The following LAMA2 variants were observed in gnomAD, a reference collection of about 807,000 sequenced individuals.
LAMA2 encodes the protein laminin subunit alpha 2.
In LAMA2, 269 loss-of-function variants were observed where a neutral mutation model predicts 364.8. The ratio of observed to expected loss-of-function variants is 0.74; its 90% CI spans 0.67 to 0.82. The LOEUF (loss-of-function observed/expected upper bound fraction) is 0.82, where lower values mean the gene tolerates loss of function less well. Ranked by LOEUF, LAMA2 falls within the 40% of genes least tolerant of loss-of-function variation. The pLI is 0.00. For synonymous variants in LAMA2, 1,379 were observed against 1,370.6 expected (o/e 1.01, Z -0.14); for missense variants, 3,807 against 3,873.2 (o/e 0.98, Z 0.45).
intron 37 of LAMA2, among the ~76,000 whole-genome samples, chr6:129,394,666 C>T (rs565904442): frequency 2.0e-5 from 3 of 152,288 alleles, no homozygotes; most frequent in South Asian, 2.1e-4. Flanking sequence ...GTGACTTACC[C>T]GAAGGTGCAC....
chr6:129,357,031 A>G (rs1777188629), intron 32 of LAMA2, among the ~76,000 whole-genome samples: 1 of 152,078 alleles, frequency 6.6e-6, no homozygotes, highest in African/African-American at 2.4e-5. Flanking sequence ...GAGATATTTT[A>G]TTAATTTCCC....
In LAMA2 at chr6:129,504,782, A is replaced by G. The variant is rs539100459; in HGVS notation, c.8548-418A>G. ...AGGCAAAGGGATGTAGCGTATCTGA[A>G]ATTGTGTTGGGAGCCCAGGCTCTTT... is the stretch of plus-strand genomic sequence containing the variant. On this transcript the variant is annotated intron_variant, in intron 60 of 64. Coordinates refer to ENST00000421865, the MANE Select transcript of LAMA2 (RefSeq NM_000426.4). Among the ~76,000 whole-genome samples the G allele has an allele frequency of 1.4e-4, 21 of 152,344 alleles. No homozygotes were observed. In the South Asian group the frequency reaches 4.4e-3, roughly 32 times the overall value.
intron 18 of LAMA2, 81 bp from the exon 19 acceptor site, chr6:129,287,766 G>A: frequency 1.8e-6 from 2 of 1,117,676 alleles, no homozygotes; most frequent in South Asian, 1.2e-5. Flanking sequence ...CATCCTGGGA[G>A]AAGGGGAGAA....
In LAMA2 at chr6:129,055,188, A is replaced by AT. The variant is rs1308382902; in HGVS notation, c.284-4594dup. On this transcript the variant is annotated intron_variant, in intron 2 of 64. Coordinates refer to ENST00000421865, the MANE Select transcript of LAMA2 (RefSeq NM_000426.4). ...TACATTATTATTATTTATTATTATT[A>AT]TTATTATTATTATTATTATTTGAGA... 2.2e-4 allele frequency among the ~76,000 whole-genome samples: 13 copies of AT among 58,198 alleles called. No individual in the cohort carries two copies. In the South Asian group the frequency reaches 5.9e-3, roughly 26 times the overall value. The allele number at this position is 58,198 out of a possible 152,430, so 38.2% of individuals were successfully genotyped here.
intron 1 of LAMA2, among the ~76,000 whole-genome samples, chr6:128,990,488 C>T (rs929105954): frequency 3.3e-5 from 5 of 152,108 alleles, no homozygotes; most frequent in Non-Finnish European, 5.9e-5. Flanking sequence ...GCTTCAACTC[C>T]CTATTATAAT....
intron 48 of LAMA2, among the ~76,000 whole-genome samples, chr6:129,458,948 A>C (rs1034307181): frequency 1.3e-5 from 2 of 152,114 alleles, no homozygotes; most frequent in Non-Finnish European, 2.9e-5. Context: ...AATCTGAGTA[A>C]ATATGGGTTC....
intron 7 of LAMA2, among the ~76,000 whole-genome samples, chr6:129,152,929 C>T (rs893106553): frequency 3.9e-5 from 6 of 152,046 alleles, no homozygotes; most frequent in Non-Finnish European, 7.4e-5. Context: ...ACAAATGCCC[C>T]TTCCCTTTTG....
chr6:129,177,815 T>A lies in LAMA2; in HGVS notation c.1416T>A (p.Ser472Arg). The A allele has an allele frequency of 6.2e-7, 1 of 1,613,932 alleles. No individual in the cohort carries two copies. Among genetic ancestry groups the A allele is most frequent in the Non-Finnish European group, 8.5e-7 (1 of 1,179,920 alleles). The change falls in exon 10 of 65, where the codon AGT becomes AGA. Residue 472 changes from serine to arginine, a missense_variant. Physicochemically the swap from Ser to Arg is moderately radical, Grantham distance 110. Coordinates refer to ENST00000421865, the MANE Select transcript of LAMA2 (RefSeq NM_000426.4). Reference sequence around the variant, plus strand: ...CGGACTGCAAAGCCTGTAACTGCAGTGGGTTAGGGAGCAAAAATGAGGATC... The same window carrying A: ...CGGACTGCAAAGCCTGTAACTGCAGAGGGTTAGGGAGCAAAAATGAGGATC... ...GYPDCKACNC[S>R]GLGSKNEDPC...
chr6:129,223,888 A>G (rs915024872), intron 12 of LAMA2, among the ~76,000 whole-genome samples: 1 of 152,150 alleles, frequency 6.6e-6, no homozygotes, highest in Non-Finnish European at 1.5e-5. Flanking sequence ...GAAGAAAGTC[A>G]CTGGTAGCTT....
chr6:128,921,980 A>G (rs1778769461), intron 1 of LAMA2, among the ~76,000 whole-genome samples: 1 of 151,208 alleles, frequency 6.6e-6, no homozygotes, highest in Non-Finnish European at 1.5e-5. Flanking sequence ...TCCTTGTGAT[A>G]GTTTACTGAG....
intron 12 of LAMA2, among the ~76,000 whole-genome samples, chr6:129,226,566 T>G (rs1583293377): frequency 2.0e-5 from 3 of 148,774 alleles, no homozygotes; most frequent in African/African-American, 5.0e-5. Context: ...GTCTGTAAAG[T>G]ATTTTATTTC....
At chr6:129,307,766 T>G (rs543476133) in intron 22 of LAMA2, among the ~76,000 whole-genome samples, 3 of 152,366 alleles carry the variant, frequency 2.0e-5, no homozygotes, top group South Asian at 4.1e-4. Context: ...CAGTGCCTAA[T>G]GCAACACAAA....
chr6:129,304,543 G>A (rs1773751490), intron 22 of LAMA2, among the ~76,000 whole-genome samples: 1 of 152,204 alleles, frequency 6.6e-6, no homozygotes, highest in Admixed American at 6.5e-5. Context: ...GATTACAGGC[G>A]TGAGCCACCG....
At chr6:129,398,239 A>T (rs1409837282) in intron 37 of LAMA2, among the ~76,000 whole-genome samples, 1 of 152,164 alleles carries the variant, frequency 6.6e-6, no homozygotes, top group Non-Finnish European at 1.5e-5. Flanking sequence ...CTAAGGGCTA[A>T]AATTGGCAGT....
chr6:129,185,487 T>G (rs1781171435), intron 10 of LAMA2, among the ~76,000 whole-genome samples: 1 of 151,856 alleles, frequency 6.6e-6, no homozygotes. Flanking sequence ...TTGAGCTATG[T>G]TCAAAGGAAA....
intron 7 of LAMA2, among the ~76,000 whole-genome samples, chr6:129,150,635 A>AATAGTG (rs1778734900): frequency 6.6e-6 from 1 of 152,248 alleles, no homozygotes; most frequent in Admixed American, 6.5e-5. Flanking sequence ...ACATTTTTAA[A>AATAGTG]ATAGTGGAAT....
At chr6:128,949,095 G>A (rs1237236660) in intron 1 of LAMA2, among the ~76,000 whole-genome samples, 1 of 152,102 alleles carries the variant, frequency 6.6e-6, no homozygotes, top group Non-Finnish European at 1.5e-5. Flanking sequence ...TAAGCTTATT[G>A]AATTATCACA....
intron 37 of LAMA2, among the ~76,000 whole-genome samples, chr6:129,400,612 T>C (rs1210280399): frequency 1.3e-5 from 2 of 152,210 alleles, no homozygotes; most frequent in African/African-American, 4.8e-5. Flanking sequence ...TATTTGTCTC[T>C]CACTGATTTT....
chr6:129,136,856 T>C lies in LAMA2; in HGVS notation c.640-7045T>C, dbSNP rs376893786. Among the ~76,000 whole-genome samples, 8 of 152,222 alleles carry C rather than the reference T, an allele frequency of 5.3e-5. No homozygotes were observed. In the East Asian group the frequency reaches 9.7e-4, roughly 18 times the overall value. Reference sequence around the variant, plus strand: ...AATCAAGCAGTAATGATTTACAGCTTTTTAAAATTTTCAGGCACTTAGTGG... The same window carrying C: ...AATCAAGCAGTAATGATTTACAGCTCTTTAAAATTTTCAGGCACTTAGTGG... On this transcript the variant is annotated intron_variant, in intron 4 of 64. Transcript: ENST00000421865.
Sources: gnomAD v4.1 joint callset for allele counts (sites outside exome capture counted in the v4.1 genomes callset) on GRCh38, gnomAD v4.1.1 for gene constraint, MANE v1.5 for transcripts, NCBI Gene and HGNC (gene_info 2026-07-23, HGNC 2026-07-21) for gene names.